The following LOXHD1 variants were observed in gnomAD, a reference collection of about 807,000 sequenced individuals.
LOXHD1 encodes lipoxygenase homology PLAT domains 1.
Under a neutral mutation model 248.2 loss-of-function variants are expected in LOXHD1, and 205 were observed. The observed-to-expected ratio is 0.83, with a 90% CI of 0.74 to 0.93. The LOEUF is 0.93. Ranked by LOEUF, LOXHD1 falls within the 40% of genes least tolerant of loss-of-function variation. LOXHD1 has a pLI of 0.00. For synonymous variants in LOXHD1, 1,113 were observed against 1,162.8 expected (o/e 0.96, Z 0.87); for missense variants, 2,930 against 2,971.6 (o/e 0.99, Z 0.33).
At chr18:46,592,101 G>A (rs917146411) in intron 11 of LOXHD1, 33 bp from the exon 12 acceptor site, 29 of 1,551,972 alleles carry the variant, frequency 1.9e-5, no homozygotes, top group Non-Finnish European at 2.5e-5. Flanking sequence ...GCAAGTTGGT[G>A]CACCAGGGAT....
At chr18:46,641,918 T>A (rs1238477891) in intron 3 of LOXHD1, 38 bp downstream of exon 3, 2 of 1,533,940 alleles carry the variant, frequency 1.3e-6, no homozygotes, top group Non-Finnish European at 1.8e-6. Flanking sequence ...CTCACTTTCA[T>A]CTCCACCCTC....
chr18:46,493,219 C>T lies in LOXHD1; in HGVS notation c.5879-4077G>A, dbSNP rs1746450533. Among the ~76,000 whole-genome samples the T allele has an allele frequency of 2.0e-5, 3 of 152,320 alleles. No individual in the cohort carries two copies. In the South Asian group the frequency reaches 6.2e-4, roughly 32 times the overall value. On this transcript the variant is annotated intron_variant, in intron 37 of 40. Coordinates refer to ENST00000642948, the MANE Select transcript of LOXHD1 (RefSeq NM_001384474.1). ...TCTGTCTGTTTGGAACTATATTCCC[C>T]AGGTTCTGAATGTCAACACCATCTC...
intron 26 of LOXHD1, among the ~76,000 whole-genome samples, chr18:46,537,435 A>G (rs1374160761): frequency 6.6e-6 from 1 of 152,174 alleles, no homozygotes; most frequent in African/African-American, 2.4e-5. Context: ...GACCATCACC[A>G]GACTCTCTCA....
chr18:46,625,157 C>A (rs2038722920), intron 4 of LOXHD1, among the ~76,000 whole-genome samples: 2 of 152,258 alleles, frequency 1.3e-5, no homozygotes, highest in South Asian at 4.1e-4. Flanking sequence ...TGTCATTGCC[C>A]CCACCCTGCC....
At chr18:46,529,839 C>T (rs553255379) in intron 28 of LOXHD1, among the ~76,000 whole-genome samples, 11 of 152,214 alleles carry the variant, frequency 7.2e-5, no homozygotes, top group East Asian at 5.8e-4. Flanking sequence ...ATTCTCCAAC[C>T]CACTGCCACC....
At chr18:46,484,131 TG>T (rs2032835210) in intron 39 of LOXHD1, among the ~76,000 whole-genome samples, 1 of 152,034 alleles carries the variant, frequency 6.6e-6, no homozygotes, top group Non-Finnish European at 1.5e-5. Context: ...GGGGGAATGC[TG>T]GCTTGGGTGA....
At chr18:46,478,011 C>A (rs1039267123) in intron 40 of LOXHD1, 59 bp from the exon 41 acceptor site, 48 of 1,501,908 alleles carry the variant, frequency 3.2e-5, no homozygotes, top group Middle Eastern at 2.1e-4. Flanking sequence ...GCCGAGGCTG[C>A]TCCCTCCCCC....
intron 12 of LOXHD1, among the ~76,000 whole-genome samples, chr18:46,587,033 G>C (rs1402397641): frequency 1.3e-5 from 2 of 152,166 alleles, no homozygotes; most frequent in African/African-American, 4.8e-5. Flanking sequence ...GAGCAAAGCT[G>C]GTATAGGTAG....
rs192894611 is a variant in LOXHD1, at chr18:46,522,067, T to G, written c.5085+34A>C. On this transcript the variant is annotated intron_variant, in intron 32 of 40. Transcript: ENST00000642948. Reference sequence around the variant, plus strand: ...TGGTCAGCTCTGTCTATCCCTAGGGTGGTCACTATCATGGGGCCCCGAGAA... The same window carrying G: ...TGGTCAGCTCTGTCTATCCCTAGGGGGGTCACTATCATGGGGCCCCGAGAA... 2.7e-3 allele frequency: 3,938 copies of G among 1,468,998 alleles called. 19 individuals carry two copies. The highest frequency in any genetic ancestry group is 4.9e-3 in the South Asian group (392 of 80,636). The allele number at this position is 1,468,998 out of a possible 1,614,324, so 91.0% of individuals were successfully genotyped here.
intron 39 of LOXHD1, among the ~76,000 whole-genome samples, chr18:46,484,753 C>T (rs1219099161): frequency 6.6e-6 from 1 of 152,108 alleles, no homozygotes; most frequent in African/African-American, 2.4e-5. Context: ...TCCTTGTCTA[C>T]GTAGATGTGG....
At chr18:46,602,479 T>C (rs2144288767) in intron 7 of LOXHD1, among the ~76,000 whole-genome samples, 1 of 152,230 alleles carries the variant, frequency 6.6e-6, no homozygotes, top group South Asian at 2.1e-4. Flanking sequence ...GTGCTGAGAT[T>C]ACAGGCATGA....
chr18:46,624,713 C>T (rs1367892467), intron 4 of LOXHD1, among the ~76,000 whole-genome samples: 2 of 152,172 alleles, frequency 1.3e-5, no homozygotes, highest in African/African-American at 4.8e-5. Flanking sequence ...CTGCGAGATG[C>T]TCTCTGCTCC....
chr18:46,606,016 A>G (rs1222685216), intron 6 of LOXHD1, among the ~76,000 whole-genome samples: 1 of 152,148 alleles, frequency 6.6e-6, no homozygotes, highest in Non-Finnish European at 1.5e-5. Flanking sequence ...CACCAAAAGA[A>G]CTCACACCAT....
chr18:46,524,612 G>A lies in LOXHD1; in HGVS notation c.4741-11C>T, dbSNP rs181095005. On this transcript the variant is annotated splice_polypyrimidine_tract_variant and intron_variant, in intron 30 of 40. Coordinates refer to ENST00000642948, the MANE Select transcript of LOXHD1 (RefSeq NM_001384474.1). ...GTCCCCAGTGTACTCCTGTGTGGGAGAGCAGGACTGGCAGTTGCAGCTCCA... is the reference window on the plus strand; with the variant it reads ...GTCCCCAGTGTACTCCTGTGTGGGAAAGCAGGACTGGCAGTTGCAGCTCCA... 1.3e-6 allele frequency: 2 copies of A among 1,551,732 alleles called. No homozygotes were observed. Among genetic ancestry groups the A allele is most frequent in the East Asian group, 2.4e-5 (1 of 40,914 alleles).
chr18:46,630,970 A>G (rs1326804520), intron 4 of LOXHD1, among the ~76,000 whole-genome samples: 1 of 152,160 alleles, frequency 6.6e-6, no homozygotes, highest in Non-Finnish European at 1.5e-5. Flanking sequence ...CCAAAGTGTG[A>G]GGCTAGGACT....
intron 6 of LOXHD1, 24 bp from the exon 7 acceptor site, chr18:46,604,253 G>T: frequency 6.4e-7 from 1 of 1,551,494 alleles, no homozygotes; most frequent in Non-Finnish European, 8.7e-7. Flanking sequence ...GAGGGGACAA[G>T]GATGTAGATA....
At chr18:46,652,268 G>C (rs935002761) in intron 1 of LOXHD1, among the ~76,000 whole-genome samples, 2 of 152,162 alleles carry the variant, frequency 1.3e-5, no homozygotes. Context: ...GAACCCTTGA[G>C]GGCCAATTTA....
intron 26 of LOXHD1, among the ~76,000 whole-genome samples, 195 bp from the exon 27 acceptor site, chr18:46,534,646 T>C (rs1182186582): frequency 1.3e-5 from 2 of 152,164 alleles, no homozygotes; most frequent in African/African-American, 4.8e-5. Context: ...GTCCCCTCTC[T>C]TAAAGTCAGC....
rs1171016774 is a variant in LOXHD1, at chr18:46,477,388, C to T, written c.*84G>A. The T allele has an allele frequency of 6.6e-7, 1 of 1,520,636 alleles. No individual in the cohort carries two copies. The highest frequency in any genetic ancestry group is 2.5e-5 in the East Asian group (1 of 40,644). The allele number at this position is 1,520,636 out of a possible 1,614,324, so 94.2% of individuals were successfully genotyped here. On this transcript the variant is annotated 3_prime_UTR_variant, in exon 41 of 41. Coordinates refer to ENST00000642948, the MANE Select transcript of LOXHD1 (RefSeq NM_001384474.1). Reference sequence around the variant, plus strand: ...TAGCCCCCAGTGCCAATGCTAGAGGCTTTGAAGGGCTGCTGACCGCCAAGG... The same window carrying T: ...TAGCCCCCAGTGCCAATGCTAGAGGTTTTGAAGGGCTGCTGACCGCCAAGG...
Sources: allele counts gnomAD v4.1 joint callset (sites outside exome capture counted in the v4.1 genomes callset), GRCh38; gene constraint gnomAD v4.1.1; transcripts MANE v1.5; gene names NCBI Gene and HGNC (gene_info 2026-07-23, HGNC 2026-07-21).